Variants in RPIA observed in about 807,000 individuals in gnomAD.
The protein encoded by RPIA is ribose 5-phosphate isomerase A.
RPIA carries 29 observed loss-of-function variants against 37.8 expected under a neutral mutation model. That is an observed-to-expected ratio of 0.77 (90% CI 0.57 to 1.05). The LOEUF (loss-of-function observed/expected upper bound fraction) is 1.05. RPIA is among the 50% of genes least tolerant of loss of function. RPIA has a pLI of 0.00. For missense variants in RPIA, 385 were observed against 413.6 expected (o/e 0.93, Z 0.60); for synonymous variants, 167 against 157.0 (o/e 1.06, Z -0.48).
At chr2:88,735,792 C>A in intron 6 of RPIA, 55 bp downstream of exon 6, 1 of 1,529,412 alleles carries the variant, frequency 6.5e-7, no homozygotes, top group Non-Finnish European at 9.1e-7. Context: ...GATCCCCAAG[C>A]CGCATCCCCA....
At chr2:88,718,836 G>A (rs1011637352) in intron 3 of RPIA, among the ~76,000 whole-genome samples, 1 of 152,096 alleles carries the variant, frequency 6.6e-6, no homozygotes, top group Non-Finnish European at 1.5e-5. Flanking sequence ...CCCAAATTTG[G>A]TTCATAAGAG....
At position 88,709,008 on chromosome 2, in the gene RPIA, G is replaced by A. The variant is rs570852153; in HGVS notation, c.402+8944G>A. On this transcript the variant is annotated intron_variant, in intron 3 of 8. Coordinates refer to ENST00000283646, the MANE Select transcript of RPIA (RefSeq NM_144563.3). ...CTTGACCTTGTGATCCACCCGCCTG[G>A]GCCTCCCAAAGTGCTGGGGTTACAG... 5.3e-4 allele frequency among the ~76,000 whole-genome samples: 81 copies of A among 152,228 alleles called. 1 individual carries two copies. Among genetic ancestry groups the A allele is most frequent in the Admixed American group, 4.2e-3 (65 of 15,300 alleles).
At chr2:88,706,412 A>T (rs993467101) in intron 3 of RPIA, among the ~76,000 whole-genome samples, 4 of 152,130 alleles carry the variant, frequency 2.6e-5, no homozygotes, top group African/African-American at 9.7e-5. Flanking sequence ...AGGGACATGG[A>T]TAGAGCTGGA....
At chr2:88,714,738 T>A (rs1673011179) in intron 3 of RPIA, among the ~76,000 whole-genome samples, 1 of 152,218 alleles carries the variant, frequency 6.6e-6, no homozygotes, top group South Asian at 2.1e-4. Flanking sequence ...TTAATTCTCT[T>A]GTTTTCAACA....
intron 3 of RPIA, among the ~76,000 whole-genome samples, chr2:88,712,718 T>G (rs73952337): frequency 0.053 from 8,129 of 152,272 alleles, 342 homozygotes; most frequent in African/African-American, 0.11. Flanking sequence ...TCCCACTTCA[T>G]CAATTTCATC....
chr2:88,732,829 G>A (rs965456936), intron 4 of RPIA, among the ~76,000 whole-genome samples: 1 of 150,682 alleles, frequency 6.6e-6, no homozygotes, highest in African/African-American at 2.4e-5. Flanking sequence ...GGAGACTGAT[G>A]TTGGTGAGGG....
At chr2:88,719,735 C>T (rs570079285) in intron 3 of RPIA, among the ~76,000 whole-genome samples, 3 of 152,122 alleles carry the variant, frequency 2.0e-5, no homozygotes, top group East Asian at 1.9e-4. Flanking sequence ...ATTTGTTTTC[C>T]AAAATGTATA....
intron 1 of RPIA, among the ~76,000 whole-genome samples, chr2:88,693,425 A>G (rs1219217616): frequency 6.6e-6 from 1 of 152,196 alleles, no homozygotes; most frequent in Non-Finnish European, 1.5e-5. Context: ...AAAATCATAT[A>G]TGCCCTTCAG....
intron 4 of RPIA, among the ~76,000 whole-genome samples, chr2:88,729,825 T>A (rs1673243985): frequency 1.9e-5 from 1 of 52,506 alleles, no homozygotes; most frequent in Non-Finnish European, 3.7e-5. Flanking sequence ...GATAGACCGC[T>A]AGCAAGACTA....
intron 8 of RPIA, among the ~76,000 whole-genome samples, chr2:88,744,021 A>T (rs1032126541): frequency 3.3e-5 from 5 of 151,722 alleles, no homozygotes; most frequent in Non-Finnish European, 7.4e-5. Flanking sequence ...TTCTGCTCTT[A>T]TCTTAGTTAT....
At chr2:88,695,022 G>T (rs1334798555) in intron 1 of RPIA, among the ~76,000 whole-genome samples, 1 of 151,880 alleles carries the variant, frequency 6.6e-6, no homozygotes, top group Non-Finnish European at 1.5e-5. Flanking sequence ...AGCTCGAGAG[G>T]ACAGGGTTTG....
intron 3 of RPIA, among the ~76,000 whole-genome samples, chr2:88,712,716 C>T (rs1020562505): frequency 1.3e-5 from 2 of 152,270 alleles, no homozygotes; most frequent in East Asian, 3.9e-4. Flanking sequence ...TATCCCACTT[C>T]ATCAATTTCA....
intron 1 of RPIA, among the ~76,000 whole-genome samples, chr2:88,695,593 A>T (rs916742791): frequency 7.9e-5 from 12 of 152,190 alleles, no homozygotes; most frequent in African/African-American, 2.9e-4. Context: ...TATATGTGAG[A>T]TATTTAGCCA....
At chr2:88,748,252 C>G (rs1673461878) in intron 8 of RPIA, among the ~76,000 whole-genome samples, 1 of 152,186 alleles carries the variant, frequency 6.6e-6, no homozygotes, top group Admixed American at 6.5e-5. Flanking sequence ...CCTTGCCTGT[C>G]TTGGAGATTA....
At chr2:88,692,281 G>A (rs1676946898) in intron 1 of RPIA, among the ~76,000 whole-genome samples, 1 of 152,224 alleles carries the variant, frequency 6.6e-6, no homozygotes, top group African/African-American at 2.4e-5. Context: ...TTGGAATGGG[G>A]GCTAGAGGCA....
Position 88,710,073 on chromosome 2 carries a change from G to T in RPIA, c.402+10009G>T, listed in dbSNP as rs185235474. ...TTCTTTTGTTTTTTTTTGAGACAGG[G>T]TCTTGCTCTGTCACCCAGGCTGGAG... On this transcript the variant is annotated intron_variant, in intron 3 of 8. Coordinates refer to ENST00000283646, the MANE Select transcript of RPIA (RefSeq NM_144563.3). Among the ~76,000 whole-genome samples the T allele has an allele frequency of 6.6e-5, 10 of 152,194 alleles. No homozygotes were observed. The East Asian group carries it at 1.5e-3, about 24-fold the overall frequency.
chr2:88,719,220 A>T (rs1410389349), intron 3 of RPIA, among the ~76,000 whole-genome samples: 1 of 152,180 alleles, frequency 6.6e-6, no homozygotes, highest in Non-Finnish European at 1.5e-5. Flanking sequence ...GACACAGTTG[A>T]CAAGGAGATT....
intron 3 of RPIA, 95 bp from the exon 4 acceptor site, chr2:88,729,183 G>A (rs1349848583): frequency 1.5e-6 from 2 of 1,327,110 alleles, no homozygotes; most frequent in African/African-American, 1.4e-5. Context: ...GAGAGCCTGG[G>A]TAGGACTTGG....
chr2:88,724,097 G>A (rs1673167284), intron 3 of RPIA, among the ~76,000 whole-genome samples: 1 of 152,014 alleles, frequency 6.6e-6, no homozygotes, highest in Admixed American at 6.6e-5. Flanking sequence ...TTGATTTTGG[G>A]GCCTCAAGTT....
Sources: allele counts gnomAD v4.1 joint callset (sites outside exome capture counted in the v4.1 genomes callset), GRCh38; gene constraint gnomAD v4.1.1; transcripts MANE v1.5; gene names NCBI Gene and HGNC (gene_info 2026-07-23, HGNC 2026-07-21).